RAB39A: variants seen among roughly 807,000 people sequenced by gnomAD.
The protein encoded by RAB39A is RAB39A, member RAS oncogene family.
In RAB39A, 17 loss-of-function variants were observed where a neutral mutation model predicts 20.9. The ratio of observed to expected loss-of-function variants is 0.81; its 90% CI spans 0.56 to 1.22. The LOEUF (loss-of-function observed/expected upper bound fraction) is 1.22. Ranked by LOEUF, RAB39A falls within the 50% of genes most tolerant of loss-of-function variation. RAB39A has a pLI of 0.00. For missense variants in RAB39A, 234 were observed against 270.5 expected (o/e 0.87, Z 0.95); for synonymous variants, 99 against 103.4 (o/e 0.96, Z 0.26).
chr11:107,932,435 G>T (rs1164084528), intron 1 of RAB39A, among the ~76,000 whole-genome samples: 1 of 152,162 alleles, frequency 6.6e-6, no homozygotes, highest in African/African-American at 2.4e-5. Flanking sequence ...TTTCTGCCAT[G>T]CCTAGGATGT....
chr11:107,946,887 A>T (rs957526610), intron 1 of RAB39A, among the ~76,000 whole-genome samples: 3 of 151,948 alleles, frequency 2.0e-5, no homozygotes, highest in Non-Finnish European at 4.4e-5. Flanking sequence ...CTGGAGTTTG[A>T]GACCAGCCTG....
At chr11:107,958,736 GTAATC>G (rs75138348) in intron 1 of RAB39A, among the ~76,000 whole-genome samples, 42,552 of 151,814 alleles carry the variant, frequency 0.28, 7,183 homozygotes, top group Admixed American at 0.45. Flanking sequence ...TTTGCCAACT[GTAATC>G]TAAATGTGTT....
Position 107,962,649 on chromosome 11 carries a change from TG to T in RAB39A, c.*278del, listed in dbSNP as rs1440639673. ...ATACGCTGACCTTAGTGTCCAGATA[TG>T]TCACTATTACTCATTTTTCTTGACA... is the stretch of plus-strand genomic sequence containing the variant. On this transcript the variant is annotated 3_prime_UTR_variant, in exon 2 of 2. Transcript: ENST00000320578. 2 of 297,354 alleles carry T rather than the reference TG, an allele frequency of 6.7e-6. No homozygotes were observed. The highest frequency in any genetic ancestry group is 1.3e-5 in the Non-Finnish European group (2 of 159,664). The allele number at this position is 297,354 out of a possible 1,614,324, so 18.4% of individuals were successfully genotyped here.
intron 1 of RAB39A, among the ~76,000 whole-genome samples, chr11:107,929,953 T>G (rs908561930): frequency 2.8e-4 from 43 of 152,314 alleles, no homozygotes; most frequent in African/African-American, 9.6e-4. Flanking sequence ...CAGTGTTCCA[T>G]GAGGGGACTT....
At chr11:107,939,054 C>G (rs1283400072) in intron 1 of RAB39A, among the ~76,000 whole-genome samples, 1 of 150,248 alleles carries the variant, frequency 6.7e-6, no homozygotes, top group African/African-American at 2.5e-5. Context: ...CCAGTGTGGC[C>G]AAGCTGGTGA....
intron 1 of RAB39A, among the ~76,000 whole-genome samples, chr11:107,961,424 C>A (rs1220106780): frequency 3.9e-5 from 6 of 152,256 alleles, no homozygotes; most frequent in African/African-American, 1.4e-4. Flanking sequence ...TCCTCCTAAT[C>A]CTAATACCAC....
At chr11:107,938,564 T>TAA (rs5794580) in intron 1 of RAB39A, among the ~76,000 whole-genome samples, 2,740 of 95,170 alleles carry the variant, frequency 0.029, 153 homozygotes, top group African/African-American at 0.1. Context: ...ACCTCGTCTA[T>TAA]AAAAAAAAAA....
chr11:107,952,528 C>T lies in RAB39A; in HGVS notation c.228-9418C>T, dbSNP rs569099086. ...CCCAGGAGGTGGAGGTTGCAGTAAG[C>T]CGAGACCGTGCCATTGTGTTCCAGC... On this transcript the variant is annotated intron_variant, in intron 1 of 1. Coordinates refer to ENST00000320578, the MANE Select transcript of RAB39A (RefSeq NM_017516.3). Among the ~76,000 whole-genome samples, 10 of 151,910 alleles carry T rather than the reference C, an allele frequency of 6.6e-5. No individual in the cohort carries two copies. In the East Asian group the frequency reaches 1.9e-3, roughly 29 times the overall value.
Position 107,928,464 on chromosome 11 carries a change from T to C in RAB39A, c.-105T>C. The stretch of plus-strand genomic sequence containing the variant: ...GGCGGCCGCAGCCGCAGGAATATGC[T>C]GGAAGGCGGCGGGCGGGCGCCCGCG... On this transcript the variant is annotated 5_prime_UTR_variant, in exon 1 of 2. Transcript: ENST00000320578. The surrounding 1 kb of genome is among the most constrained non-coding windows in gnomAD (Gnocchi z 4.9). 1 of 841,242 alleles carries C rather than the reference T, an allele frequency of 1.2e-6. No homozygotes were observed. The highest frequency in any genetic ancestry group is 1.7e-6 in the Non-Finnish European group (1 of 605,912). 52.1% of individuals were successfully genotyped at this position (841,242 alleles called of 1,614,324 possible).
intron 1 of RAB39A, among the ~76,000 whole-genome samples, chr11:107,955,153 T>C (rs1170097024): frequency 6.6e-6 from 1 of 151,712 alleles, no homozygotes; most frequent in Non-Finnish European, 1.5e-5. Context: ...CCCGCCACCA[T>C]GCCCGGCTAA....
chr11:107,945,962 T>A (rs1861303338), intron 1 of RAB39A, among the ~76,000 whole-genome samples: 1 of 152,060 alleles, frequency 6.6e-6, no homozygotes, highest in East Asian at 1.9e-4. Context: ...CAGTCAAGCC[T>A]TCACCCTTCA....
At chr11:107,934,929 C>CA (rs55682157) in intron 1 of RAB39A, among the ~76,000 whole-genome samples, 29,258 of 101,422 alleles carry the variant, frequency 0.29, 4,102 homozygotes, top group South Asian at 0.4. Flanking sequence ...GACTTCGTCT[C>CA]AAAAAAAAAA....
intron 1 of RAB39A, among the ~76,000 whole-genome samples, chr11:107,932,522 T>C (rs1861148921): frequency 6.6e-6 from 1 of 152,164 alleles, no homozygotes; most frequent in African/African-American, 2.4e-5. Flanking sequence ...AGAGCAGCTC[T>C]ATACCAAGCA....
chr11:107,937,317 A>T (rs970165987), intron 1 of RAB39A, among the ~76,000 whole-genome samples: 2 of 151,468 alleles, frequency 1.3e-5, no homozygotes, highest in East Asian at 1.9e-4. Context: ...AAAAAAAAAA[A>T]TTTGTAGAGA....
chr11:107,937,821 GA>G (rs1295307012), intron 1 of RAB39A, among the ~76,000 whole-genome samples: 3 of 152,022 alleles, frequency 2.0e-5, no homozygotes, highest in Non-Finnish European at 4.4e-5. Flanking sequence ...ACTCTTGAAA[GA>G]AAAAATATCT....
chr11:107,946,442 A>G (rs1302809854), intron 1 of RAB39A, among the ~76,000 whole-genome samples: 146 of 36,214 alleles, frequency 4.0e-3, no homozygotes, highest in African/African-American at 0.013. Context: ...GTGTGTATAT[A>G]TATATATATA....
At chr11:107,950,783 A>G (rs1861370293) in intron 1 of RAB39A, among the ~76,000 whole-genome samples, 1 of 145,412 alleles carries the variant, frequency 6.9e-6, no homozygotes, top group South Asian at 2.2e-4. Context: ...AAAAAAAAAG[A>G]CAAAATCCTT....
Position 107,962,010 on chromosome 11 carries a change from C to T in RAB39A, c.292C>T (p.Arg98Ter), listed in dbSNP as rs201681603. The part of the protein sequence containing the change: ...GGFLVFDITN[R>*]RSFEHVKDWL... The stretch of plus-strand genomic sequence containing the variant: ...ATTTTTAGTATTTGACATTACTAAC[C>T]GACGATCTTTTGAACATGTGAAAGA... Residue 98 changes from arginine (R) to a stop codon, truncating the protein, a stop_gained, in exon 2 of 2, where the codon CGA becomes TGA. Transcript: ENST00000320578. LOFTEE classifies it high-confidence loss of function. 2 of 1,613,658 alleles carry T rather than the reference C, an allele frequency of 1.2e-6. No individual in the cohort carries two copies. The highest frequency in any genetic ancestry group is 1.1e-5 in the South Asian group (1 of 91,054).
chr11:107,933,528 C>T (rs561110411), intron 1 of RAB39A, among the ~76,000 whole-genome samples: 9 of 151,210 alleles, frequency 6.0e-5, no homozygotes, highest in Non-Finnish European at 8.8e-5. Flanking sequence ...CACAGGCATG[C>T]GCCACAGCAC....
Sources: allele counts gnomAD v4.1 joint callset (sites outside exome capture counted in the v4.1 genomes callset), GRCh38; gene constraint gnomAD v4.1.1; non-coding constraint Gnocchi (gnomAD v3.1); transcripts MANE v1.5; gene names NCBI Gene and HGNC (gene_info 2026-07-23, HGNC 2026-07-21).